SCAPER: variants seen among roughly 807,000 people sequenced by gnomAD.
SCAPER encodes the protein S-phase cyclin A associated protein in the ER.
A neutral mutation model predicts 182.2 loss-of-function variants in SCAPER; 98 were observed. That is an observed-to-expected ratio of 0.54 (90% CI 0.46 to 0.64). The LOEUF (loss-of-function observed/expected upper bound fraction) is 0.64, where lower values mean the gene tolerates loss of function less well. Ranked by LOEUF, SCAPER falls within the 30% of genes least tolerant of loss-of-function variation. The probability of loss-of-function intolerance (pLI) is 0.00; values close to 1 mark genes in which losing one functional copy is unlikely to be tolerated. For missense variants in SCAPER, 1,432 were observed against 1,690.0 expected (o/e 0.85, Z 2.68); for synonymous variants, 605 against 564.6 (o/e 1.07, Z -1.01).
chr15:76,712,486 T>C (rs1013499945), intron 17 of SCAPER, among the ~76,000 whole-genome samples: 73 of 152,310 alleles, frequency 4.8e-4, no homozygotes, highest in African/African-American at 7.9e-4. Flanking sequence ...AAGTCATCGG[T>C]AGCTTGATGG....
At chr15:76,644,142 T>C (rs1474492703) in intron 21 of SCAPER, among the ~76,000 whole-genome samples, 2 of 152,132 alleles carry the variant, frequency 1.3e-5, no homozygotes, top group Non-Finnish European at 2.9e-5. Flanking sequence ...TTAGAAGGTA[T>C]ATACGATCAA....
chr15:76,876,124 C>G (rs561182146), intron 2 of SCAPER, among the ~76,000 whole-genome samples: 34 of 152,364 alleles, frequency 2.2e-4, no homozygotes, highest in African/African-American at 7.2e-4. Context: ...GCCCGCCAAG[C>G]CCACGCCCAT....
At chr15:76,811,975 A>C (rs1244252540) in intron 5 of SCAPER, among the ~76,000 whole-genome samples, 2 of 152,088 alleles carry the variant, frequency 1.3e-5, no homozygotes, top group African/African-American at 4.8e-5. Flanking sequence ...AGTTAGCAGA[A>C]GGAAGAAAAT....
intron 25 of SCAPER, among the ~76,000 whole-genome samples, chr15:76,460,987 C>CT (rs1191127575): frequency 6.6e-6 from 1 of 152,068 alleles, no homozygotes; most frequent in Non-Finnish European, 1.5e-5. Context: ...CACTAACATT[C>CT]TTTTTTGCAG....
intron 23 of SCAPER, among the ~76,000 whole-genome samples, chr15:76,569,198 C>T (rs1319319588): frequency 6.6e-6 from 1 of 152,026 alleles, no homozygotes; most frequent in Non-Finnish European, 1.5e-5. Flanking sequence ...TTGGTAGATT[C>T]AATTTGTCAG....
chr15:76,723,403 T>A (rs1270983596), intron 17 of SCAPER, among the ~76,000 whole-genome samples: 3 of 152,146 alleles, frequency 2.0e-5, no homozygotes, highest in African/African-American at 7.2e-5. Flanking sequence ...AGAATGTATA[T>A]TGTGTTGATT....
chr15:76,413,914 A>G (rs550840407), intron 26 of SCAPER, among the ~76,000 whole-genome samples: 4 of 152,294 alleles, frequency 2.6e-5, no homozygotes, highest in African/African-American at 9.6e-5. Flanking sequence ...GCCAGCATCC[A>G]TGAAACTGTG....
chr15:76,885,695 G>C (rs1408524272), intron 1 of SCAPER, among the ~76,000 whole-genome samples: 5 of 152,086 alleles, frequency 3.3e-5, no homozygotes, highest in Admixed American at 6.6e-5. Context: ...ACATTGCCCA[G>C]GCTGGTCTCG....
chr15:76,677,602 T>C (rs1055653645), intron 20 of SCAPER, among the ~76,000 whole-genome samples: 1 of 151,794 alleles, frequency 6.6e-6, no homozygotes, highest in African/African-American at 2.4e-5. Flanking sequence ...TAAGTCACAC[T>C]GTAAAATTTT....
At chr15:76,653,452 A>G (rs923832629) in intron 21 of SCAPER, among the ~76,000 whole-genome samples, 4 of 152,190 alleles carry the variant, frequency 2.6e-5, no homozygotes, top group African/African-American at 9.6e-5. Flanking sequence ...CACACTACCC[A>G]ACTTCAAGCT....
intron 27 of SCAPER, among the ~76,000 whole-genome samples, chr15:76,399,098 C>A (rs1251560643): frequency 6.6e-6 from 1 of 152,102 alleles, no homozygotes; most frequent in African/African-American, 2.4e-5. Flanking sequence ...ACTTGTAGGA[C>A]CAAGAATAGA....
intron 23 of SCAPER, among the ~76,000 whole-genome samples, chr15:76,529,812 G>A (rs756479737): frequency 1.3e-5 from 2 of 152,188 alleles, no homozygotes; most frequent in Admixed American, 6.5e-5. Flanking sequence ...GCAAAGAGTC[G>A]GGCAAATCTA....
At chr15:76,835,899 C>A (rs1599000650) in intron 5 of SCAPER, among the ~76,000 whole-genome samples, 4 of 98,850 alleles carry the variant, frequency 4.0e-5, no homozygotes, top group South Asian at 3.3e-4. Flanking sequence ...ACCTGAGAAC[C>A]AAATCAAGAA....
At chr15:76,763,766 A>G (rs1251719345) in intron 14 of SCAPER, among the ~76,000 whole-genome samples, 2 of 151,936 alleles carry the variant, frequency 1.3e-5, no homozygotes, top group Admixed American at 1.3e-4. Context: ...TGCATTTTCT[A>G]GTTTCTTCAG....
At chr15:76,627,393 G>A (rs558284258) in intron 21 of SCAPER, among the ~76,000 whole-genome samples, 1 of 152,048 alleles carries the variant, frequency 6.6e-6, no homozygotes, top group East Asian at 1.9e-4. Flanking sequence ...CCATCACCTA[G>A]GTATTAAGCC....
chr15:76,875,917 C>T (rs1038097743), intron 2 of SCAPER, among the ~76,000 whole-genome samples: 14 of 152,050 alleles, frequency 9.2e-5, no homozygotes, highest in Admixed American at 4.6e-4. Context: ...CAGGACCCCA[C>T]GGTGGGGGGC....
At chr15:76,779,686 T>C (rs2063974640) in intron 8 of SCAPER, among the ~76,000 whole-genome samples, 1 of 147,372 alleles carries the variant, frequency 6.8e-6, no homozygotes, top group African/African-American at 2.5e-5. Context: ...TTTCAAGTTA[T>C]GCAAAGCTAA....
chr15:76,737,522 C>T (rs2061334820), intron 15 of SCAPER, among the ~76,000 whole-genome samples: 1 of 152,212 alleles, frequency 6.6e-6, no homozygotes, highest in Non-Finnish European at 1.5e-5. Flanking sequence ...CTTAAAGGGC[C>T]TAGAATTTTC....
intron 23 of SCAPER, among the ~76,000 whole-genome samples, chr15:76,562,390 A>G (rs1281849623): frequency 1.3e-5 from 2 of 152,176 alleles, no homozygotes; most frequent in African/African-American, 2.4e-5. Flanking sequence ...TATGTTTAAT[A>G]CATTTGAATA....
Sources: gnomAD v4.1 joint callset for allele counts (sites outside exome capture counted in the v4.1 genomes callset) on GRCh38, gnomAD v4.1.1 for gene constraint, MANE v1.5 for transcripts, NCBI Gene and HGNC (gene_info 2026-07-23, HGNC 2026-07-21) for gene names.